ARHGEF4: variants seen among roughly 807,000 people sequenced by gnomAD.
The protein encoded by ARHGEF4 is APC-stimulated guanine nucleotide exchange factor 1.
A neutral mutation model predicts 162.0 loss-of-function variants in ARHGEF4; 119 were observed. That is an observed-to-expected ratio of 0.73 (90% CI 0.63 to 0.86). The LOEUF (loss-of-function observed/expected upper bound fraction) is 0.86. Ranked by LOEUF, ARHGEF4 falls within the 40% of genes least tolerant of loss-of-function variation. The pLI is 0.00. For missense variants in ARHGEF4, 2,488 were observed against 2,456.0 expected, an observed-to-expected ratio of 1.01 and a Z score of -0.28; for synonymous variants, 1,014 against 979.9, an observed-to-expected ratio of 1.03 and a Z score of -0.65.
At chr2:131,024,569 C>T (rs1689351830) in intron 4 of ARHGEF4, among the ~76,000 whole-genome samples, 1 of 152,200 alleles carries the variant, frequency 6.6e-6, no homozygotes, top group Non-Finnish European at 1.5e-5. Context: ...GCCACCGCAC[C>T]TGCCAATAAA....
intron 4 of ARHGEF4, among the ~76,000 whole-genome samples, chr2:130,982,501 C>T (rs2105255737): frequency 6.6e-6 from 1 of 152,228 alleles, no homozygotes; most frequent in African/African-American, 2.4e-5. Flanking sequence ...CACAGATTAT[C>T]CATGACATGC....
At chr2:131,002,068 G>A (rs940243160) in intron 4 of ARHGEF4, among the ~76,000 whole-genome samples, 1 of 152,132 alleles carries the variant, frequency 6.6e-6, no homozygotes, top group Non-Finnish European at 1.5e-5. Flanking sequence ...TTTAGTTTAC[G>A]TTTATTGAAC....
intron 1 of ARHGEF4, among the ~76,000 whole-genome samples, chr2:130,913,144 T>C (rs1681294951): frequency 6.6e-6 from 1 of 152,122 alleles, no homozygotes; most frequent in Admixed American, 6.5e-5. Flanking sequence ...ATAATTTGTT[T>C]ATCTGAAACT....
At chr2:130,945,104 T>C (rs1041440319) in intron 3 of ARHGEF4, among the ~76,000 whole-genome samples, 3 of 152,090 alleles carry the variant, frequency 2.0e-5, no homozygotes, top group Admixed American at 6.5e-5. Context: ...TTATATGCTG[T>C]TCAGGGTCAG....
At chr2:130,853,871 G>T (rs1021625854) in intron 1 of ARHGEF4, among the ~76,000 whole-genome samples, 6 of 152,194 alleles carry the variant, frequency 3.9e-5, no homozygotes, top group Non-Finnish European at 8.8e-5. Flanking sequence ...AGATATTGTA[G>T]TGAGCTTAGT....
At chr2:130,999,476 G>A (rs371900810) in intron 4 of ARHGEF4, among the ~76,000 whole-genome samples, 7 of 152,176 alleles carry the variant, frequency 4.6e-5, no homozygotes, top group African/African-American at 1.2e-4. Flanking sequence ...TTTAAGAGTC[G>A]TGTATTTTTG....
chr2:131,020,425 T>G (rs1157122169), intron 4 of ARHGEF4, among the ~76,000 whole-genome samples: 1 of 146,992 alleles, frequency 6.8e-6, no homozygotes, highest in Admixed American at 7.0e-5. Context: ...CACCTATGAG[T>G]GAGAATATGC....
intron 4 of ARHGEF4, among the ~76,000 whole-genome samples, chr2:130,988,615 C>T (rs918593126): frequency 6.6e-6 from 1 of 152,080 alleles, no homozygotes; most frequent in African/African-American, 2.4e-5. Context: ...GTAGAGCTCA[C>T]AGTGTACGCT....
At chr2:130,971,545 C>G (rs1685369397) in intron 4 of ARHGEF4, among the ~76,000 whole-genome samples, 1 of 150,724 alleles carries the variant, frequency 6.6e-6, no homozygotes, top group Non-Finnish European at 1.5e-5. Flanking sequence ...GTAATCCCAG[C>G]TACTCAGGAG....
chr2:130,922,240 G>A (rs183729341), intron 2 of ARHGEF4, among the ~76,000 whole-genome samples: 2 of 151,644 alleles, frequency 1.3e-5, no homozygotes, highest in Admixed American at 1.3e-4. Context: ...GCATGGTGGC[G>A]CATGCATATA....
chr2:130,967,763 A>C (rs1362451430), intron 4 of ARHGEF4, among the ~76,000 whole-genome samples: 4 of 152,200 alleles, frequency 2.6e-5, no homozygotes, highest in African/African-American at 9.7e-5. Flanking sequence ...CGCTGACAGA[A>C]GCTCAAAAAC....
chr2:131,024,492 G>T (rs1238446715), intron 4 of ARHGEF4, among the ~76,000 whole-genome samples: 1 of 152,214 alleles, frequency 6.6e-6, no homozygotes, highest in East Asian at 1.9e-4. Flanking sequence ...GGCCAGGCTG[G>T]TCTTGATCTC....
intron 1 of ARHGEF4, among the ~76,000 whole-genome samples, chr2:130,877,100 C>T (rs1158578933): frequency 2.6e-5 from 4 of 152,134 alleles, no homozygotes; most frequent in Admixed American, 6.6e-5. Flanking sequence ...GGCTCCAACC[C>T]GCTCTCCGTG....
At chr2:130,899,225 C>T (rs1270003746) in intron 1 of ARHGEF4, among the ~76,000 whole-genome samples, 1 of 152,180 alleles carries the variant, frequency 6.6e-6, no homozygotes, top group Non-Finnish European at 1.5e-5. Flanking sequence ...ATAACATATT[C>T]ATGGGCATGA....
chr2:130,928,947 A>G (rs1682466665), intron 2 of ARHGEF4, among the ~76,000 whole-genome samples: 1 of 152,130 alleles, frequency 6.6e-6, no homozygotes, highest in Non-Finnish European at 1.5e-5. Flanking sequence ...TTCTCAGACT[A>G]GCTTTGCCTC....
intron 4 of ARHGEF4, among the ~76,000 whole-genome samples, chr2:130,964,522 G>T (rs1684871300): frequency 6.6e-6 from 1 of 152,218 alleles, no homozygotes; most frequent in Non-Finnish European, 1.5e-5. Flanking sequence ...ACCAGAGCGC[G>T]CTGTCAACTG....
chr2:130,895,477 C>T (rs1680099770), intron 1 of ARHGEF4, among the ~76,000 whole-genome samples: 1 of 152,180 alleles, frequency 6.6e-6, no homozygotes, highest in Non-Finnish European at 1.5e-5. Context: ...AGTATGTTCC[C>T]ACCAGCTGAG....
At position 130,876,594 on chromosome 2, in the gene ARHGEF4, A is replaced by G. The variant is rs376381408; in HGVS notation, c.40-37392A>G. On this transcript the variant is annotated intron_variant, in intron 1 of 13. Coordinates refer to ENST00000409359, the MANE Select transcript of ARHGEF4 (RefSeq NM_001367493.1). ...TTTTTAGTAGAGACGGGGTTTCACC[A>G]TGTTAGCCAGGATGGTCTCGATCTC... 1.6e-4 allele frequency among the ~76,000 whole-genome samples: 24 copies of G among 152,134 alleles called. No homozygotes were observed. The South Asian group carries it at 4.4e-3, about 28-fold the overall frequency.
chr2:130,959,262 C>A (rs1285456544), intron 4 of ARHGEF4, among the ~76,000 whole-genome samples: 7 of 151,948 alleles, frequency 4.6e-5, no homozygotes, highest in Admixed American at 4.6e-4. Context: ...TCTTAAACTT[C>A]CTTCTTTTAT....
Sources: allele counts gnomAD v4.1 joint callset (sites outside exome capture counted in the v4.1 genomes callset), GRCh38; gene constraint gnomAD v4.1.1; transcripts MANE v1.5; gene names NCBI Gene and HGNC (gene_info 2026-07-23, HGNC 2026-07-21).